Variants in NDEL1 observed in about 807,000 individuals in gnomAD.
The protein encoded by NDEL1 is nudE neurodevelopment protein 1 like 1, also known as nuclear distribution protein nudE-like 1.
A neutral mutation model predicts 45.7 loss-of-function variants in NDEL1; 9 were observed. That is an observed-to-expected ratio of 0.20 (90% CI 0.12 to 0.34). NDEL1 has a LOEUF of 0.34. Ranked by LOEUF, NDEL1 falls within the 10% of genes least tolerant of loss-of-function variation. The pLI is 1.00. For missense variants in NDEL1, 306 were observed against 406.2 expected (o/e 0.75, Z 2.12); for synonymous variants, 133 against 158.6 (o/e 0.84, Z 1.21).
chr17:8,413,203 C>T (rs1908463732), exon 1 of NDEL1: 1 of 152,406 alleles, frequency 6.6e-6, no homozygotes, highest in Non-Finnish European at 1.5e-5. Flanking sequence ...TTTGTGTCAG[C>T]AAGTTCAGCG....
intron 1 of NDEL1, among the ~76,000 whole-genome samples, chr17:8,437,326 A>T (rs188043591): frequency 6.6e-6 from 1 of 152,220 alleles, no homozygotes; most frequent in African/African-American, 2.4e-5. Context: ...GAAGTTGCTA[A>T]ATCTTCTGAA....
intron 1 of NDEL1, among the ~76,000 whole-genome samples, chr17:8,418,904 A>AGT (rs374797942): frequency 3.3e-4 from 49 of 150,302 alleles, no homozygotes; most frequent in African/African-American, 1.2e-3. Context: ...GCTGGAGTGC[A>AGT]GTGGTGTGAT....
At chr17:8,425,044 T>G (rs1346500016) in intron 1 of NDEL1, among the ~76,000 whole-genome samples, 1 of 152,216 alleles carries the variant, frequency 6.6e-6, no homozygotes, top group Admixed American at 6.5e-5. Flanking sequence ...CTTAGCCCTT[T>G]TCACGAGGGT....
chr17:8,418,196 A>G (rs1176867056), intron 1 of NDEL1, among the ~76,000 whole-genome samples: 3 of 151,900 alleles, frequency 2.0e-5, no homozygotes, highest in South Asian at 4.2e-4. Flanking sequence ...CTTTCCTATC[A>G]TCTGTCCCTG....
intron 4 of NDEL1, 135 bp from the exon 5 acceptor site, chr17:8,448,415 C>G: frequency 1.1e-6 from 1 of 873,270 alleles, no homozygotes; most frequent in Non-Finnish European, 1.8e-6. Context: ...CAGGAAGGGG[C>G]AAGATCATCT....
At chr17:8,419,558 C>T (rs897923171) in intron 1 of NDEL1, among the ~76,000 whole-genome samples, 1 of 152,170 alleles carries the variant, frequency 6.6e-6, no homozygotes, top group African/African-American at 2.4e-5. Flanking sequence ...TTTAGCCAAT[C>T]TCCTAAATGA....
At chr17:8,417,552 T>C in intron 1 of NDEL1, among the ~76,000 whole-genome samples, 1 of 152,212 alleles carries the variant, frequency 6.6e-6, no homozygotes, top group Admixed American at 6.5e-5. Flanking sequence ...TCTGTGTCTG[T>C]GCGTGTGTCT....
At chr17:8,471,965 T>A (rs2151748262), downstream of NDEL1, among the ~76,000 whole-genome samples, 1 of 152,236 alleles carries the variant, frequency 6.6e-6, no homozygotes, top group South Asian at 2.1e-4. Context: ...CCTGTGTGGG[T>A]GGGGCCTCGC....
chr17:8,450,117 T>C (rs1030083001), intron 5 of NDEL1, among the ~76,000 whole-genome samples: 3 of 151,772 alleles, frequency 2.0e-5, no homozygotes, highest in Admixed American at 1.3e-4. Context: ...ACCCCATCTC[T>C]ACTAAAAATT....
chr17:8,422,243 T>G (rs1431018216), intron 1 of NDEL1, among the ~76,000 whole-genome samples: 1 of 152,194 alleles, frequency 6.6e-6, no homozygotes, highest in African/African-American at 2.4e-5. Context: ...ACACATAATC[T>G]TTAGAAAATT....
intron 7 of NDEL1, among the ~76,000 whole-genome samples, chr17:8,455,844 T>C (rs561119345): frequency 4.6e-4 from 70 of 152,310 alleles, no homozygotes; most frequent in African/African-American, 1.6e-3. Context: ...TCCTTTCTAT[T>C]CATCTGTGAT....
rs1219490546 is a variant in NDEL1 at position 8,467,823 on chromosome 17, T to G, written c.*800T>G. ...TCTTCCAAGGGCCGTCCCGTTGTGT[T>G]AGGAAGGGTGAGTGGCTGGTTCCAG... On this transcript the variant is annotated 3_prime_UTR_variant, in exon 9 of 9. Transcript: ENST00000334527. This position sits in a 1 kb window ranked among gnomAD's most constrained non-coding sequence, Gnocchi z 6.3. The G allele has an allele frequency of 1.3e-5, 2 of 152,720 alleles. No homozygotes were observed. The highest frequency in any genetic ancestry group is 3.8e-4 in the East Asian group (2 of 5,198). 9.5% of individuals were successfully genotyped at this position (152,720 alleles called of 1,614,324 possible).
rs554961596 is a variant in NDEL1 at position 8,440,088 on chromosome 17, A to G, written c.-13+4043A>G. Reference sequence around the variant, plus strand: ...TTTAAATTGTTTTGATCTGGAAGAGATGATGGTCCTTTTAGTAAATGATAT... The same window carrying G: ...TTTAAATTGTTTTGATCTGGAAGAGGTGATGGTCCTTTTAGTAAATGATAT... On this transcript the variant is annotated intron_variant, in intron 1 of 8. Coordinates refer to ENST00000334527, the MANE Select transcript of NDEL1 (RefSeq NM_030808.5). 9.8e-5 allele frequency among the ~76,000 whole-genome samples: 15 copies of G among 152,334 alleles called. No homozygotes were observed. In the South Asian group the frequency reaches 2.7e-3, roughly 27 times the overall value.
upstream of NDEL1, among the ~76,000 whole-genome samples, chr17:8,434,612 C>T (rs574917070): frequency 3.3e-5 from 5 of 152,198 alleles, no homozygotes; most frequent in South Asian, 1.0e-3. Context: ...TAAAATGTAT[C>T]TCTTCCTTTA....
At chr17:8,452,740 C>CTTTTTTTTTTTTTTTTTTTTTTCT in intron 6 of NDEL1, among the ~76,000 whole-genome samples, 2 of 95,628 alleles carry the variant, frequency 2.1e-5, no homozygotes, top group South Asian at 4.0e-4. Flanking sequence ...TTTTTCTTCT[C>CTTTTTTTTTTTTTTTTTTTTTTCT]TTTTTTTTTT....
chr17:8,431,690 A>G (rs1180339168), upstream of NDEL1, among the ~76,000 whole-genome samples: 1 of 152,218 alleles, frequency 6.6e-6, no homozygotes, highest in South Asian at 2.1e-4. Flanking sequence ...CATTTAAAAA[A>G]TGGGAATAAC....
intron 8 of NDEL1, among the ~76,000 whole-genome samples, chr17:8,463,820 G>A (rs1911405794): frequency 6.6e-6 from 1 of 152,244 alleles, no homozygotes; most frequent in Admixed American, 6.5e-5. Flanking sequence ...AAATGGAATG[G>A]TACATGGGGA....
At chr17:8,428,950 G>A (rs182844254) in intron 1 of NDEL1, among the ~76,000 whole-genome samples, 2 of 152,322 alleles carry the variant, frequency 1.3e-5, no homozygotes, top group East Asian at 1.9e-4. Flanking sequence ...TGGGATTACA[G>A]GCATGAGCCA....
rs188295065 is a variant in NDEL1, at chr17:8,416,544, T to C, written c.-13+3275T>C. 5.5e-3 allele frequency among the ~76,000 whole-genome samples: 842 copies of C among 152,348 alleles called. 5 individuals carry two copies. The highest frequency in any genetic ancestry group is 8.7e-3 in the Non-Finnish European group (594 of 68,028). ...TTATTGTTGAAGTCTTCTGCTATTA[T>C]GATTCAGGATCCTTTGTACTTGTCC... On this transcript the variant is annotated intron_variant, in intron 1 of 4. Coordinates refer to the NDEL1 transcript ENST00000582812.
Sources: gnomAD v4.1 joint callset for allele counts (sites outside exome capture counted in the v4.1 genomes callset) on GRCh38, gnomAD v4.1.1 for gene constraint, Gnocchi (gnomAD v3.1) non-coding constraint, MANE v1.5 for transcripts, NCBI Gene and HGNC (gene_info 2026-07-23, HGNC 2026-07-21) for gene names.